Variants in PAIP1 observed in about 807,000 individuals in gnomAD.
PAIP1 encodes the protein poly(A) binding protein interacting protein 1.
In PAIP1, 16 loss-of-function variants were observed where a neutral mutation model predicts 61.3. The observed-to-expected ratio is 0.26, with a 90% confidence interval of 0.18 to 0.40. PAIP1 has a LOEUF of 0.40. PAIP1 is among the 10% of genes least tolerant of loss of function. The probability of loss-of-function intolerance (pLI) is 1.00; values close to 1 mark genes in which losing one functional copy is unlikely to be tolerated. For synonymous variants in PAIP1, 187 were observed against 226.2 expected (o/e 0.83, Z 1.56); for missense variants, 416 against 600.9 (o/e 0.69, Z 3.22).
intron 4 of PAIP1, among the ~76,000 whole-genome samples, chr5:43,540,074 G>A (rs528187358): frequency 2.0e-5 from 3 of 152,268 alleles, no homozygotes; most frequent in African/African-American, 7.2e-5. Flanking sequence ...ATTACCTCTT[G>A]TTCAGTAATT....
At chr5:43,528,950 G>A (rs1454195847) in intron 10 of PAIP1, among the ~76,000 whole-genome samples, 1 of 152,044 alleles carries the variant, frequency 6.6e-6, no homozygotes, top group Non-Finnish European at 1.5e-5. Flanking sequence ...TACAAAGAGT[G>A]GCAGGTGAAG....
At chr5:43,545,241 A>G (rs1169630844) in intron 3 of PAIP1, among the ~76,000 whole-genome samples, 2 of 152,228 alleles carry the variant, frequency 1.3e-5, no homozygotes, top group African/African-American at 4.8e-5. Flanking sequence ...GACCTAGTCC[A>G]GTGAAGCCTG....
intron 3 of PAIP1, 77 bp from the exon 4 acceptor site, chr5:43,543,193 A>C: frequency 1.4e-6 from 1 of 707,384 alleles, no homozygotes; most frequent in Non-Finnish European, 2.4e-6. Context: ...AACATTCTAA[A>C]GAAGAAAAAA....
At chr5:43,535,236 CT>C (rs1449923998) in intron 7 of PAIP1, among the ~76,000 whole-genome samples, 6 of 152,100 alleles carry the variant, frequency 3.9e-5, no homozygotes, top group African/African-American at 1.4e-4. Context: ...TACAGTAGTA[CT>C]TTTATTTGTT....
chr5:43,549,887 AT>A (rs948518798), intron 2 of PAIP1, among the ~76,000 whole-genome samples: 5 of 151,596 alleles, frequency 3.3e-5, no homozygotes, highest in African/African-American at 9.7e-5. Flanking sequence ...GGCCCAGCTA[AT>A]TTTTTTTGTA....
At chr5:43,537,693 T>C (rs1747208352) in intron 5 of PAIP1, among the ~76,000 whole-genome samples, 1 of 152,036 alleles carries the variant, frequency 6.6e-6, no homozygotes, top group Admixed American at 6.6e-5. Flanking sequence ...TGATATTCAC[T>C]AATTTAAAAA....
chr5:43,543,669 G>T (rs989618825), intron 3 of PAIP1, among the ~76,000 whole-genome samples: 1 of 150,590 alleles, frequency 6.6e-6, no homozygotes, highest in African/African-American at 2.4e-5. Flanking sequence ...GGGTAAAGGG[G>T]AAATGAAAAC....
chr5:43,546,936 G>C (rs1331467341), intron 3 of PAIP1, among the ~76,000 whole-genome samples: 1 of 150,290 alleles, frequency 6.7e-6, no homozygotes, highest in Non-Finnish European at 1.5e-5. Flanking sequence ...TCAGCTACCT[G>C]GGAGACTGAC....
At chr5:43,531,636 AAC>A (rs1256585458) in intron 9 of PAIP1, among the ~76,000 whole-genome samples, 5 of 131,224 alleles carry the variant, frequency 3.8e-5, no homozygotes, top group Admixed American at 1.7e-4. Flanking sequence ...CAGCCTGGGT[AAC>A]AGAGTGAGAC....
intron 3 of PAIP1, among the ~76,000 whole-genome samples, chr5:43,545,635 C>T (rs149191677): frequency 1.3e-5 from 2 of 152,192 alleles, no homozygotes; most frequent in African/African-American, 2.4e-5. Context: ...CACTCACCCA[C>T]CTGCTTTCTA....
Position 43,527,336 on chromosome 5 carries a change from C to T in PAIP1, c.*40G>A, listed in dbSNP as rs1163889676. 7.2e-6 allele frequency: 11 copies of T among 1,519,648 alleles called. No individual in the cohort carries two copies. Among genetic ancestry groups the T allele is most frequent in the Non-Finnish European group, 2.7e-6 (3 of 1,128,398 alleles). The allele number at this position is 1,519,648 out of a possible 1,614,324, so 94.1% of individuals were successfully genotyped here. On this transcript the variant is annotated 3_prime_UTR_variant, in exon 11 of 11. Transcript: ENST00000306846. Reference sequence around the variant, plus strand: ...TCTTGTGTTCTGCTAAATCACCATACCTAAACTGCTTTATAAAACTGATAT... The same window carrying T: ...TCTTGTGTTCTGCTAAATCACCATATCTAAACTGCTTTATAAAACTGATAT...
intron 6 of PAIP1, among the ~76,000 whole-genome samples, chr5:43,536,230 TGTC>T (rs1320080504): frequency 2.0e-5 from 3 of 152,186 alleles, no homozygotes; most frequent in East Asian, 1.9e-4. Context: ...AGCCATTACT[TGTC>T]GTAAAATACA....
chr5:43,543,845 A>G (rs1053214883), intron 3 of PAIP1, among the ~76,000 whole-genome samples: 11 of 152,234 alleles, frequency 7.2e-5, no homozygotes, highest in African/African-American at 2.7e-4. Context: ...GAAAACACAC[A>G]TTAAAAGGTT....
At chr5:43,546,924 T>C (rs1372722389) in intron 3 of PAIP1, among the ~76,000 whole-genome samples, 1 of 151,018 alleles carries the variant, frequency 6.6e-6, no homozygotes, top group African/African-American at 2.4e-5. Context: ...ACACCTGTAA[T>C]CTCAGCTACC....
intron 4 of PAIP1, among the ~76,000 whole-genome samples, chr5:43,542,754 T>A (rs764204493): frequency 3.4e-4 from 51 of 152,112 alleles, no homozygotes; most frequent in Admixed American, 7.2e-4. Flanking sequence ...GCTACCAAAG[T>A]AATAAGAATT....
chr5:43,531,378 C>T (rs1270724443), intron 9 of PAIP1, among the ~76,000 whole-genome samples: 3 of 138,254 alleles, frequency 2.2e-5, no homozygotes, highest in Admixed American at 7.4e-5. Flanking sequence ...TAATCAGGGT[C>T]ATATTAATAT....
At chr5:43,546,186 T>C (rs1305480548) in intron 3 of PAIP1, among the ~76,000 whole-genome samples, 2 of 152,244 alleles carry the variant, frequency 1.3e-5, no homozygotes, top group East Asian at 1.9e-4. Context: ...TCATTGATCA[T>C]AGAATATTAA....
In PAIP1 at chr5:43,531,322, AAAAATG is replaced by A. The variant is rs1351888647; in HGVS notation, c.1253-1449_1253-1444del. Among the ~76,000 whole-genome samples, 148 of 150,736 alleles carry A rather than the reference AAAAATG, an allele frequency of 9.8e-4. 1 individual carries two copies. Among genetic ancestry groups the A allele is most frequent in the African/African-American group, 2.6e-3 (105 of 41,022 alleles). ...AAGCCACAGTGTTTTTCATTAAAAA[AAAAATG>A]AAAAAAGAAAAAAGAAAAAAGACAA... On this transcript the variant is annotated intron_variant, in intron 9 of 10. Transcript: ENST00000306846.
At chr5:43,539,113 T>C in intron 4 of PAIP1, 78 bp from the exon 5 acceptor site, 1 of 933,556 alleles carries the variant, frequency 1.1e-6, no homozygotes, top group South Asian at 1.3e-5. Flanking sequence ...ATTTGTCAGT[T>C]TGGTTGTCCA....
Sources: gnomAD v4.1 joint callset for allele counts (sites outside exome capture counted in the v4.1 genomes callset) on GRCh38, gnomAD v4.1.1 for gene constraint, MANE v1.5 for transcripts, NCBI Gene and HGNC (gene_info 2026-07-23, HGNC 2026-07-21) for gene names.